ERO1B: variants seen among roughly 807,000 people sequenced by gnomAD.
ERO1B encodes endoplasmic reticulum oxidoreductase 1 beta, also known as ERO1-like protein beta.
A neutral mutation model predicts 75.3 loss-of-function variants in ERO1B; 49 were observed. That is an observed-to-expected ratio of 0.65 (90% CI 0.52 to 0.83). The LOEUF (loss-of-function observed/expected upper bound fraction) is 0.83, where lower values mean the gene tolerates loss of function less well. Among genes scored for constraint, ERO1B ranks in the 40% least tolerant of loss-of-function variants. The probability of loss-of-function intolerance (pLI) is 0.00; values close to 1 mark genes in which losing one functional copy is unlikely to be tolerated. For missense variants in ERO1B, 512 were observed against 560.1 expected, an observed-to-expected ratio of 0.91 and a Z score of 0.87; for synonymous variants, 191 against 192.9, an observed-to-expected ratio of 0.99 and a Z score of 0.08.
At chr1:236,266,640 GTTAAA>G (rs1461085814) in intron 2 of ERO1B, among the ~76,000 whole-genome samples, 2 of 151,852 alleles carry the variant, frequency 1.3e-5, no homozygotes, top group African/African-American at 4.8e-5. Flanking sequence ...ATAATAATAA[GTTAAA>G]TTAACCTTTT....
At position 236,217,560 on chromosome 1, in the gene ERO1B, AC is replaced by A. The variant is rs1270431368; in HGVS notation, c.*955del. On this transcript the variant is annotated 3_prime_UTR_variant, in exon 16 of 16. Transcript: ENST00000354619. ...TAAAATAAATCCTTTAAAAATGCTT[AC>A]TTTAAGTGAAAATAGCAAATTTTGT... is the stretch of plus-strand genomic sequence containing the variant. 1 of 152,590 alleles carries A rather than the reference AC, an allele frequency of 6.6e-6. No homozygotes were observed. Among genetic ancestry groups the A allele is most frequent in the Non-Finnish European group, 1.5e-5 (1 of 67,990 alleles). 9.5% of individuals were successfully genotyped at this position (152,590 alleles called of 1,614,324 possible).
rs560392923 is a variant in ERO1B, at chr1:236,266,791, C to T, written c.222+3084G>A. 3.9e-5 allele frequency among the ~76,000 whole-genome samples: 6 copies of T among 152,134 alleles called. No homozygotes were observed. The South Asian group carries it at 1.2e-3, about 32-fold the overall frequency. ...AGAGGCATAGATATCACCCAAATATCCTAGAGTTAGAGCTGAATGCATTAA... is the reference window on the plus strand; with the variant it reads ...AGAGGCATAGATATCACCCAAATATTCTAGAGTTAGAGCTGAATGCATTAA... On this transcript the variant is annotated intron_variant, in intron 2 of 15. Coordinates refer to ENST00000354619, the MANE Select transcript of ERO1B (RefSeq NM_019891.4).
At chr1:236,249,847 T>C (rs1726639) in intron 5 of ERO1B, 38 bp downstream of exon 5, 363,480 of 1,401,784 alleles carry the variant, frequency 0.26, 48,354 homozygotes, top group East Asian at 0.36. Flanking sequence ...TTGATATCAA[T>C]GAGAATATTT....
intron 10 of ERO1B, among the ~76,000 whole-genome samples, chr1:236,229,743 T>A (rs1664356608): frequency 6.6e-6 from 1 of 152,202 alleles, no homozygotes; most frequent in Non-Finnish European, 1.5e-5. Context: ...TGCAAAAGCA[T>A]CTAATATATC....
Position 236,217,488 on chromosome 1 carries a change from T to C in ERO1B, c.*1028A>G, listed in dbSNP as rs908648443. On this transcript the variant is annotated 3_prime_UTR_variant, in exon 16 of 16. Transcript: ENST00000354619. ...ACCTAATCTACCTTTTTATATATCC[T>C]GTCAGGGAAAAGCACACTGAGTTCG... The C allele has an allele frequency of 1.3e-5, 2 of 152,586 alleles. No individual in the cohort carries two copies. Among genetic ancestry groups the C allele is most frequent in the African/African-American group, 2.4e-5 (1 of 41,456 alleles). 9.5% of individuals were successfully genotyped at this position (152,586 alleles called of 1,614,324 possible).
chr1:236,259,365 T>C (rs1265694431), intron 2 of ERO1B, among the ~76,000 whole-genome samples: 1 of 152,184 alleles, frequency 6.6e-6, no homozygotes, highest in Non-Finnish European at 1.5e-5. Context: ...ATTAACAGAA[T>C]GGCAATAGTA....
intron 5 of ERO1B, among the ~76,000 whole-genome samples, chr1:236,247,320 T>C (rs1033769852): frequency 1.3e-5 from 2 of 152,206 alleles, no homozygotes; most frequent in African/African-American, 4.8e-5. Flanking sequence ...GACTTGCTCC[T>C]CCTCCAGCTG....
intron 1 of ERO1B, among the ~76,000 whole-genome samples, chr1:236,278,393 A>G (rs1040026438): frequency 9.2e-5 from 14 of 151,860 alleles, no homozygotes; most frequent in Admixed American, 9.2e-4. Flanking sequence ...AAACAGCTAC[A>G]TCCTCAATAT....
chr1:236,238,615 T>C (rs1046465100), intron 6 of ERO1B, among the ~76,000 whole-genome samples: 11 of 151,346 alleles, frequency 7.3e-5, no homozygotes, highest in African/African-American at 2.7e-4. Context: ...CTAAGTTGTA[T>C]AGTTTTAATC....
chr1:236,244,380 A>G lies in ERO1B; in HGVS notation c.432-885T>C, dbSNP rs1231445526. 5.3e-5 allele frequency among the ~76,000 whole-genome samples: 8 copies of G among 152,306 alleles called. No individual in the cohort carries two copies. In the East Asian group the frequency reaches 1.3e-3, roughly 26 times the overall value. On this transcript the variant is annotated intron_variant, in intron 5 of 15. Coordinates refer to ENST00000354619, the MANE Select transcript of ERO1B (RefSeq NM_019891.4). ...TGTACTACATCAACTTTATCAATAC[A>G]TTTTTCCAGTTCAACTTACTGTGGA...
At chr1:236,230,707 T>A (rs1664387306) in intron 9 of ERO1B, among the ~76,000 whole-genome samples, 1 of 151,526 alleles carries the variant, frequency 6.6e-6, no homozygotes, top group Admixed American at 6.6e-5. Flanking sequence ...AACCATATGG[T>A]TCTAGGAAAT....
At chr1:236,245,155 AATTT>A (rs892107373) in intron 5 of ERO1B, among the ~76,000 whole-genome samples, 6 of 149,618 alleles carry the variant, frequency 4.0e-5, no homozygotes, top group Admixed American at 1.3e-4. Context: ...ACATCCAGCT[AATTT>A]ATTTATTTAT....
chr1:236,279,514 A>AAAAAAAAAAAC (rs1553375582), intron 1 of ERO1B, among the ~76,000 whole-genome samples: 6 of 143,920 alleles, frequency 4.2e-5, no homozygotes, highest in Non-Finnish European at 9.2e-5. Flanking sequence ...CAAAAAAAAA[A>AAAAAAAAAAAC]AAAAAACAGC....
chr1:236,254,930 T>A (rs138183809), intron 2 of ERO1B, among the ~76,000 whole-genome samples: 139 of 151,130 alleles, frequency 9.2e-4, no homozygotes, highest in African/African-American at 3.2e-3. Flanking sequence ...ATCTTTTTTT[T>A]TTTCTTTTTT....
rs1323147144 is a variant in ERO1B at position 236,281,667 on chromosome 1, A to G, written c.102+15T>C. The G allele has an allele frequency of 1.6e-5, 23 of 1,409,012 alleles. No homozygotes were observed. The highest frequency in any genetic ancestry group is 2.9e-5 in the East Asian group (1 of 34,132). 87.3% of individuals were successfully genotyped at this position (1,409,012 alleles called of 1,614,324 possible). On this transcript the variant is annotated intron_variant, in intron 1 of 15. Coordinates refer to ENST00000354619, the MANE Select transcript of ERO1B (RefSeq NM_019891.4). ...TTCGGCCGGGGGTTCCCGGCCCGCT[A>G]TCACTCGGGCTTACCTGCGCCTCGA...
intron 5 of ERO1B, among the ~76,000 whole-genome samples, chr1:236,248,352 A>T (rs897263830): frequency 6.6e-6 from 1 of 152,240 alleles, no homozygotes; most frequent in African/African-American, 2.4e-5. Flanking sequence ...TATTCACACC[A>T]AGTACTATGG....
rs1487573074 is a variant in ERO1B, at chr1:236,265,582, AAG to A, written c.222+4291_222+4292del. On this transcript the variant is annotated intron_variant, in intron 2 of 15. Coordinates refer to ENST00000354619, the MANE Select transcript of ERO1B (RefSeq NM_019891.4). ...GTATTGTTTTTATCTGAACTAACAC[AAG>A]AGTCTCCTAAATGGTTCCTCTATTT... 5.3e-5 allele frequency among the ~76,000 whole-genome samples: 8 copies of A among 152,160 alleles called. No homozygotes were observed. The East Asian group carries it at 1.5e-3, about 29-fold the overall frequency.
chr1:236,221,064 A>G, intron 14 of ERO1B, 99 bp from the exon 15 acceptor site: 1 of 921,178 alleles, frequency 1.1e-6, no homozygotes, highest in Non-Finnish European at 1.5e-6. Context: ...CAGTTAGGAA[A>G]TTCATATGAA....
intron 2 of ERO1B, among the ~76,000 whole-genome samples, chr1:236,268,688 C>T (rs915648798): frequency 5.3e-5 from 8 of 150,856 alleles, no homozygotes; most frequent in East Asian, 4.0e-4. Context: ...AGATCAAGAC[C>T]ATCCTGGCTA....
Sources: gnomAD v4.1 joint callset for allele counts (sites outside exome capture counted in the v4.1 genomes callset) on GRCh38, gnomAD v4.1.1 for gene constraint, MANE v1.5 for transcripts, NCBI Gene and HGNC (gene_info 2026-07-23, HGNC 2026-07-21) for gene names.